The following ANXA6 variants were observed in gnomAD, a reference collection of about 807,000 sequenced individuals.
ANXA6 encodes 67 kDa calelectrin.
A neutral mutation model predicts 95.4 loss-of-function variants in ANXA6; 71 were observed. The ratio of observed to expected loss-of-function variants is 0.74; its 90% CI spans 0.61 to 0.91. The LOEUF (loss-of-function observed/expected upper bound fraction) is 0.91, where lower values mean the gene tolerates loss of function less well. Ranked by LOEUF, ANXA6 falls within the 40% of genes least tolerant of loss-of-function variation. ANXA6 has a pLI of 0.00. For synonymous variants in ANXA6, 289 were observed against 315.9 expected, an observed-to-expected ratio of 0.91 and a Z score of 0.90; for missense variants, 830 against 876.4, an observed-to-expected ratio of 0.95 and a Z score of 0.67.
intron 1 of ANXA6, among the ~76,000 whole-genome samples, chr5:151,154,612 A>C (rs1240619218): frequency 6.6e-6 from 1 of 152,076 alleles, no homozygotes; most frequent in East Asian, 1.9e-4. Context: ...ATAACCCTCC[A>C]GGAGCCTTGA....
In ANXA6 at chr5:151,117,843, G is replaced by T; in HGVS notation, c.1439-6C>A. 1.2e-6 allele frequency: 2 copies of T among 1,612,276 alleles called. No homozygotes were observed. Among genetic ancestry groups the T allele is most frequent in the Non-Finnish European group, 1.7e-6 (2 of 1,178,516 alleles). On this transcript the variant is annotated splice_polypyrimidine_tract_variant and splice_region_variant and intron_variant, in intron 18 of 25. Coordinates refer to ENST00000354546, the MANE Select transcript of ANXA6 (RefSeq NM_001155.5). Reference sequence around the variant, plus strand: ...CTCCAGGGACTTGTGATAGTCTGAGGCAGAGAAAGGGGGTGTGGGTAGCTG... The same window carrying T: ...CTCCAGGGACTTGTGATAGTCTGAGTCAGAGAAAGGGGGTGTGGGTAGCTG...
chr5:151,117,928 G>A, intron 18 of ANXA6, 91 bp from the exon 19 acceptor site: 1 of 1,009,980 alleles, frequency 9.9e-7, no homozygotes, highest in South Asian at 1.4e-5. Context: ...CTTGAGCCAG[G>A]GCAGTATTGG....
In ANXA6 at chr5:151,131,281, T is replaced by C. The variant is rs1361775886; in HGVS notation, c.745A>G (p.Ile249Val). 3.1e-6 allele frequency: 5 copies of C among 1,613,848 alleles called. No individual in the cohort carries two copies. In the South Asian group the frequency reaches 5.5e-5, roughly 18 times the overall value. Residue 249 changes from isoleucine (I) to valine (V), a missense_variant, in exon 11 of 26, where the codon ATC becomes GTC. By Grantham distance (29) the Ile-to-Val change is conservative. Transcript: ENST00000354546. ...EKLMLAVVKC[I>V]RSTPEYFAER... ...GCAAAATATTCCGGGGTGCTCCGGA[T>C]ACACTTCACTGTGAAGAGGGAGGAA... is the stretch of plus-strand genomic sequence containing the variant.
chr5:151,137,097 G>T, intron 6 of ANXA6, 134 bp downstream of exon 6: 1 of 807,310 alleles, frequency 1.2e-6, no homozygotes, highest in Non-Finnish European at 2.0e-6. Flanking sequence ...TTATTGGGTA[G>T]ATAAATGGGT....
Position 151,132,572 on chromosome 5 carries a change from C to T in ANXA6, c.641-1G>A. 1.1e-5 allele frequency: 17 copies of T among 1,611,862 alleles called. No homozygotes were observed. Among genetic ancestry groups the T allele is most frequent in the Non-Finnish European group, 1.4e-5 (17 of 1,179,140 alleles). ...GTGGTCTTCAGATACTCATCGAACA[C>T]TGCGTCAGACAGAGAGACAGGGAGG... On this transcript the variant is annotated splice_acceptor_variant, in intron 9 of 25. Coordinates refer to ENST00000354546, the MANE Select transcript of ANXA6 (RefSeq NM_001155.5). LOFTEE classifies it high-confidence loss of function.
chr5:151,141,400 T>C (rs889034274), intron 2 of ANXA6: 11 of 626,606 alleles, frequency 1.8e-5, no homozygotes, highest in Non-Finnish European at 1.4e-5. Context: ...CATCAATTAC[T>C]ATAAAGCTTG....
chr5:151,143,532 A>G (rs1765892109), intron 2 of ANXA6, among the ~76,000 whole-genome samples: 1 of 152,162 alleles, frequency 6.6e-6, no homozygotes. Flanking sequence ...ACATTTACTG[A>G]GAGTCTACTA....
chr5:151,157,028 G>T (rs1482406088), intron 1 of ANXA6, among the ~76,000 whole-genome samples: 1 of 152,206 alleles, frequency 6.6e-6, no homozygotes, highest in Non-Finnish European at 1.5e-5. Flanking sequence ...GGCCTAGACC[G>T]CTTAGGGGAT....
chr5:151,126,287 A>C, intron 14 of ANXA6, 115 bp downstream of exon 14: 1 of 820,412 alleles, frequency 1.2e-6, no homozygotes, highest in Non-Finnish European at 2.0e-6. Flanking sequence ...AGATGTGAGA[A>C]TCAACGTGTC....
At chr5:151,105,642 C>T (rs1346742264) in intron 23 of ANXA6, among the ~76,000 whole-genome samples, 1 of 152,156 alleles carries the variant, frequency 6.6e-6, no homozygotes, top group East Asian at 1.9e-4. Flanking sequence ...ACCCAAAAAG[C>T]TTGTTTAAAA....
chr5:151,132,352 C>T (rs1561578510), intron 10 of ANXA6, 124 bp downstream of exon 10: 1 of 765,026 alleles, frequency 1.3e-6, no homozygotes. Flanking sequence ...AATTCACGGC[C>T]CACATGGTTT....
Position 151,147,042 on chromosome 5 carries a change from G to T in ANXA6, c.18+842C>A, listed in dbSNP as rs112101212. Among the ~76,000 whole-genome samples the T allele has an allele frequency of 9.3e-3, 1,423 of 152,254 alleles. 35 individuals are homozygous for T. The highest frequency in any genetic ancestry group is 0.032 in the African/African-American group (1,335 of 41,520). ...CTCACTTCAGCCTCCCAAAGTGCTGGGATTATAGGTGAGAGTCACCGTGCC... is the reference window on the plus strand; with the variant it reads ...CTCACTTCAGCCTCCCAAAGTGCTGTGATTATAGGTGAGAGTCACCGTGCC... On this transcript the variant is annotated intron_variant, in intron 2 of 25. Coordinates refer to ENST00000354546, the MANE Select transcript of ANXA6 (RefSeq NM_001155.5).
At position 151,101,454 on chromosome 5, in the gene ANXA6, C is replaced by A. The variant is rs1764547148; in HGVS notation, c.2016G>T (p.Glu672Asp). 6.4e-7 allele frequency: 1 copy of A among 1,558,666 alleles called. No individual in the cohort carries two copies. Among genetic ancestry groups the A allele is most frequent in the Non-Finnish European group, 8.7e-7 (1 of 1,151,190 alleles). The change falls in exon 26 of 26, where the codon GAG (glutamate) becomes GAT (aspartate). Residue 672 changes from glutamate (E) to aspartate (D), a missense_variant. Physicochemically the swap from Glu to Asp is conservative, Grantham distance 45. Transcript: ENST00000354546. ...LKALLALCGG[E>D]D Reference sequence around the variant, plus strand: ...GCCCGCCAAAGCTGTGGCCCTAGTCCTCACCACCACAGAGAGCCAGCAAGG... The same window carrying A: ...GCCCGCCAAAGCTGTGGCCCTAGTCATCACCACCACAGAGAGCCAGCAAGG...
intron 20 of ANXA6, among the ~76,000 whole-genome samples, chr5:151,116,087 T>C (rs964477323): frequency 3.3e-5 from 5 of 152,208 alleles, no homozygotes; most frequent in Admixed American, 1.3e-4. Context: ...TTCTAAAAAT[T>C]ATAATTACAA....
At position 151,136,349 on chromosome 5, in the gene ANXA6, C is replaced by T. The variant is rs368656092; in HGVS notation, c.410-14G>A. The T allele has an allele frequency of 2.1e-4, 341 of 1,613,600 alleles. No homozygotes were observed. The highest frequency in any genetic ancestry group is 4.5e-4 in the African/African-American group (34 of 75,014). ...CCCGCTCGTAGGCTGCAGAAAGGAA[C>T]GCAAGCTCTAGTCTCATCCCCAGAG... On this transcript the variant is annotated splice_polypyrimidine_tract_variant and intron_variant, in intron 6 of 25. Transcript: ENST00000354546.
chr5:151,109,715 T>C, intron 22 of ANXA6, 38 bp downstream of exon 22: 1 of 1,514,502 alleles, frequency 6.6e-7, no homozygotes, highest in East Asian at 2.3e-5. Flanking sequence ...TTCTGGGATC[T>C]TCCTGCTGAG....
At chr5:151,121,487 G>A (rs986257005) in intron 17 of ANXA6, among the ~76,000 whole-genome samples, 1 of 152,214 alleles carries the variant, frequency 6.6e-6, no homozygotes, top group Admixed American at 6.5e-5. Context: ...GTTTAATGTA[G>A]GGTCAGGTCT....
chr5:151,148,414 A>G (rs1447131049), intron 1 of ANXA6, among the ~76,000 whole-genome samples: 3 of 152,212 alleles, frequency 2.0e-5, no homozygotes, highest in Admixed American at 2.0e-4. Context: ...TTTCAAGTCA[A>G]CAAGGATGGC....
chr5:151,140,060 T>TGCAC (rs1765783159), intron 3 of ANXA6, 93 bp downstream of exon 3: 1 of 1,062,272 alleles, frequency 9.4e-7, no homozygotes, highest in Non-Finnish European at 1.4e-6. Context: ...CACTTCACCA[T>TGCAC]TTCACAGACC....
Sources: gnomAD v4.1 joint callset for allele counts (sites outside exome capture counted in the v4.1 genomes callset) on GRCh38, gnomAD v4.1.1 for gene constraint, MANE v1.5 for transcripts, NCBI Gene and HGNC (gene_info 2026-07-23, HGNC 2026-07-21) for gene names.